The following OLFML2A variants were observed in gnomAD, a reference collection of about 807,000 sequenced individuals.
OLFML2A encodes the protein olfactomedin like 2A.
Under a neutral mutation model 60.9 loss-of-function variants are expected in OLFML2A, and 47 were observed. That is an observed-to-expected ratio of 0.77 (90% confidence interval 0.61 to 0.98). OLFML2A has a LOEUF of 0.98. OLFML2A is among the 50% of genes least tolerant of loss of function. OLFML2A has a pLI of 0.00. For synonymous variants in OLFML2A, 372 were observed against 375.0 expected, an observed-to-expected ratio of 0.99 and a Z score of 0.09; for missense variants, 922 against 879.8, an observed-to-expected ratio of 1.05 and a Z score of -0.61.
Position 124,777,441 on chromosome 9 carries a change from G to A in OLFML2A, c.90+81G>A. ...GCTGTGGCTGGGGTGCGGCCCGGGA[G>A]GGAGCCCGGGGCCAGGGCGGAGGAG... On this transcript the variant is annotated intron_variant, in intron 1 of 7. Coordinates refer to ENST00000373580, the MANE Select transcript of OLFML2A (RefSeq NM_182487.4). This position sits in a 1 kb window ranked among gnomAD's most constrained non-coding sequence, Gnocchi z 6.2. 3.3e-6 allele frequency: 4 copies of A among 1,195,056 alleles called. No individual in the cohort carries two copies. The highest frequency in any genetic ancestry group is 4.2e-6 in the Non-Finnish European group (4 of 959,040). The allele number at this position is 1,195,056 out of a possible 1,614,324, so 74.0% of individuals were successfully genotyped here. A position where few individuals can be genotyped will look rare whatever the true frequency, so the allele number is the denominator to read the frequency against.
At chr9:124,804,443 G>C (rs1841849957) in intron 6 of OLFML2A, 101 bp downstream of exon 6, 5 of 1,208,370 alleles carry the variant, frequency 4.1e-6, no homozygotes, top group Non-Finnish European at 5.7e-6. Context: ...GCTTTTTATA[G>C]CTGAGCATGG....
At chr9:124,805,509 T>C (rs908768513) in intron 6 of OLFML2A, among the ~76,000 whole-genome samples, 2 of 152,030 alleles carry the variant, frequency 1.3e-5, no homozygotes, top group African/African-American at 4.8e-5. Context: ...ACAGGATACA[T>C]AAAACTGTAT....
intron 1 of OLFML2A, among the ~76,000 whole-genome samples, chr9:124,784,307 G>A (rs1444550939): frequency 6.6e-6 from 1 of 151,756 alleles, no homozygotes; most frequent in Admixed American, 6.6e-5. Context: ...GGGTTCAAGC[G>A]ATTCTCCTGC....
At position 124,777,912 on chromosome 9, in the gene OLFML2A, TGTCAA is replaced by T. The variant is rs1305711462; in HGVS notation, c.90+554_90+558del. 6.6e-6 allele frequency among the ~76,000 whole-genome samples: 1 copy of T among 152,112 alleles called. No homozygotes were observed. On this transcript the variant is annotated intron_variant, in intron 1 of 7. Coordinates refer to ENST00000373580, the MANE Select transcript of OLFML2A (RefSeq NM_182487.4). This position sits in a 1 kb window ranked among gnomAD's most constrained non-coding sequence, Gnocchi z 6.2. ...CTGTGGCTAAGAGGATCTGCTCTGG[TGTCAA>T]GCCGACCTGGGTTCAGTCGCACATC...
In OLFML2A at chr9:124,795,745, C is replaced by T. The variant is rs11792315; in HGVS notation, c.462+614C>T. ...AACCGAGATCGTGCCACAGCCTGGG[C>T]GACAGAGCAAGACTGTCTCAAAATA... On this transcript the variant is annotated intron_variant, in intron 3 of 7. Transcript: ENST00000373580. Among the ~76,000 whole-genome samples the T allele has an allele frequency of 3.4e-3, 523 of 152,196 alleles. 1 individual carries two copies. The highest frequency in any genetic ancestry group is 6.8e-3 in the Middle Eastern group (2 of 294).
At chr9:124,801,002 T>C (rs1243264310) in intron 4 of OLFML2A, 4 of 1,551,130 alleles carry the variant, frequency 2.6e-6, no homozygotes, top group East Asian at 4.9e-5. Flanking sequence ...TTGGTCACCT[T>C]GCCTAGGTGC....
intron 1 of OLFML2A, among the ~76,000 whole-genome samples, chr9:124,784,292 C>T (rs1025684333): frequency 3.3e-5 from 5 of 152,046 alleles, no homozygotes; most frequent in Admixed American, 3.3e-4. Context: ...CAATCTCCGC[C>T]TCCCGGGTTC....
At chr9:124,784,943 G>GTTTTTTTTGTTTTTTTTTTT (rs1841429970) in intron 1 of OLFML2A, among the ~76,000 whole-genome samples, 3 of 69,592 alleles carry the variant, frequency 4.3e-5, no homozygotes, top group African/African-American at 1.9e-4. Context: ...CCTTTTACTT[G>GTTTTTTTTGTTTTTTTTTTT]TTTTTTTTTT....
At chr9:124,809,219 A>G (rs763340632) in intron 7 of OLFML2A, among the ~76,000 whole-genome samples, 3 of 152,098 alleles carry the variant, frequency 2.0e-5, no homozygotes, top group Non-Finnish European at 2.9e-5. Context: ...TTCCTCCGCT[A>G]GCTCAAAATT....
rs551016152 is a variant in OLFML2A at position 124,810,298 on chromosome 9, G to A, written c.1845G>A (p.Pro615=). 1.1e-5 allele frequency: 18 copies of A among 1,609,022 alleles called. No individual in the cohort carries two copies. Among genetic ancestry groups the A allele is most frequent in the Middle Eastern group, 1.7e-4 (1 of 6,060 alleles). The change falls in exon 8 of 8, where the codon CCG becomes CCA. Residue 615 remains proline (P), a synonymous_variant. Transcript: ENST00000373580. The part of the protein sequence containing the change: ...HTGTDARPQL[P]FLNEHAYTTQ... The stretch of plus-strand genomic sequence containing the variant: ...GCACCGACGCACGCCCCCAGCTGCC[G>A]TTCCTCAACGAGCACGCCTACACCA...
chr9:124,778,735 T>C (rs1841306681), intron 1 of OLFML2A, among the ~76,000 whole-genome samples: 1 of 151,730 alleles, frequency 6.6e-6, no homozygotes, highest in South Asian at 2.1e-4. Flanking sequence ...AGGCGGAGGT[T>C]GCAGTCAGTG....
chr9:124,812,827 C>A lies in OLFML2A; in HGVS notation c.*2415C>A, dbSNP rs1842047184. On this transcript the variant is annotated 3_prime_UTR_variant, in exon 8 of 8. Transcript: ENST00000373580. ...TGATTTTTAAAAGTTAAGGGGCAAG[C>A]AGCATTGCATTCTGGGGGAACGATC... 6.6e-6 allele frequency: 1 copy of A among 152,220 alleles called. No homozygotes were observed. Among genetic ancestry groups the A allele is most frequent in the African/African-American group, 2.4e-5 (1 of 41,454 alleles). The allele number at this position is 152,220 out of a possible 1,614,324, so 9.4% of individuals were successfully genotyped here.
intron 6 of OLFML2A, among the ~76,000 whole-genome samples, chr9:124,807,464 A>G (rs1023712586): frequency 1.3e-5 from 2 of 151,662 alleles, no homozygotes; most frequent in African/African-American, 2.4e-5. Flanking sequence ...TTGTATTTTT[A>G]GTAGAGACGG....
chr9:124,796,233 A>G (rs1476556361), intron 3 of OLFML2A, among the ~76,000 whole-genome samples: 3 of 152,234 alleles, frequency 2.0e-5, no homozygotes, highest in African/African-American at 7.2e-5. Flanking sequence ...AGTGTTTGGT[A>G]TGTACCTACT....
At position 124,804,074 on chromosome 9, in the gene OLFML2A, CAG is replaced by C. The variant is rs1249384620; in HGVS notation, c.920-19_920-18del. On this transcript the variant is annotated intron_variant, in intron 5 of 7. Coordinates refer to ENST00000373580, the MANE Select transcript of OLFML2A (RefSeq NM_182487.4). The stretch of plus-strand genomic sequence containing the variant: ...AGCAGGTGGTGCTGAGATTTGAGCA[CAG>C]GGGTCTTCTCTCTGCAGACAACACC... 1 of 1,612,050 alleles carries C rather than the reference CAG, an allele frequency of 6.2e-7. No individual in the cohort carries two copies. The highest frequency in any genetic ancestry group is 1.7e-5 in the Admixed American group (1 of 59,930).
intron 3 of OLFML2A, among the ~76,000 whole-genome samples, chr9:124,798,804 A>G (rs551200772): frequency 1.3e-5 from 2 of 152,288 alleles, no homozygotes; most frequent in Admixed American, 1.3e-4. Context: ...CCTTTAAGCA[A>G]TGGTGTACTG....
chr9:124,787,646 G>T (rs540658466), intron 2 of OLFML2A, among the ~76,000 whole-genome samples: 5 of 151,324 alleles, frequency 3.3e-5, no homozygotes, highest in Non-Finnish European at 5.9e-5. Context: ...TGCAACCTCC[G>T]TCCCCGGGTT....
At chr9:124,805,076 ATTTC>A (rs1841864200) in intron 6 of OLFML2A, among the ~76,000 whole-genome samples, 1 of 152,106 alleles carries the variant, frequency 6.6e-6, no homozygotes, top group African/African-American at 2.4e-5. Context: ...AACTATTTTT[ATTTC>A]TTTATTTCCT....
In OLFML2A at chr9:124,799,309, G is replaced by C. The variant is rs1841725765; in HGVS notation, c.487G>C (p.Glu163Gln). 1 of 1,611,780 alleles carries C rather than the reference G, an allele frequency of 6.2e-7. No individual in the cohort carries two copies. The highest frequency in any genetic ancestry group is 1.7e-5 in the Admixed American group (1 of 59,966). The stretch of plus-strand genomic sequence containing the variant: ...GAGCATCAAGGCCAACCTGAGCCGG[G>C]AGAATGAGGTGGTGAAGGACAGCGT... Reference protein sequence around the residue: ...EESIKANLSRENEVVKDSVRH... With the variant: ...EESIKANLSRQNEVVKDSVRH... The change falls in exon 4 of 8, where the codon GAG becomes CAG. Residue 163 changes from glutamate (E) to glutamine (Q), a missense_variant. By Grantham distance (29) the Glu-to-Gln change is conservative (BLOSUM62 2). Transcript: ENST00000373580.
Sources: gnomAD v4.1 joint callset for allele counts (sites outside exome capture counted in the v4.1 genomes callset) on GRCh38, gnomAD v4.1.1 for gene constraint, Gnocchi (gnomAD v3.1) non-coding constraint, MANE v1.5 for transcripts, NCBI Gene and HGNC (gene_info 2026-07-23, HGNC 2026-07-21) for gene names.